DIAPH2: variants seen among roughly 807,000 people sequenced by gnomAD.
The protein encoded by DIAPH2 is protein diaphanous homolog 2.
A neutral mutation model predicts 92.7 loss-of-function variants in DIAPH2; 35 were observed. The ratio of observed to expected loss-of-function variants is 0.38; its 90% CI spans 0.29 to 0.50. The LOEUF is 0.50. Among genes scored for constraint, DIAPH2 ranks in the 20% least tolerant of loss-of-function variants. The pLI, the probability that DIAPH2 is intolerant of heterozygous loss-of-function variation, is 0.94. For synonymous variants in DIAPH2, 301 were observed against 280.4 expected (o/e 1.07, Z -0.73); for missense variants, 701 against 819.5 (o/e 0.86, Z 1.77).
At chrX:97,482,660 G>A (rs73632888) in intron 26 of DIAPH2, among the ~76,000 whole-genome samples, 298 of 84,642 alleles carry the variant, frequency 3.5e-3, no homozygotes, top group Middle Eastern at 0.013. Flanking sequence ...GGACCAAAAA[G>A]AAAAAAAAAA....
At chrX:96,979,548 T>C (rs2065981356) in intron 17 of DIAPH2, among the ~76,000 whole-genome samples, 2 of 112,491 alleles carry the variant, frequency 1.8e-5, no homozygotes, top group Non-Finnish European at 3.7e-5. Flanking sequence ...TGTATTTAGA[T>C]GACACTTCCA....
chrX:96,811,834 C>T (rs1360282332), intron 4 of DIAPH2, among the ~76,000 whole-genome samples: 4 of 111,515 alleles, frequency 3.6e-5, no homozygotes, highest in Admixed American at 9.6e-5. Context: ...TATTGATTTT[C>T]GTATGTTGAA....
At chrX:96,778,818 T>G (rs1358488442) in intron 4 of DIAPH2, among the ~76,000 whole-genome samples, 1 of 111,867 alleles carries the variant, frequency 8.9e-6, no homozygotes, top group African/African-American at 3.2e-5. Context: ...ATGATTAGAT[T>G]CAGGGTAAAC....
At chrX:96,779,462 A>G (rs2064400567) in intron 4 of DIAPH2, among the ~76,000 whole-genome samples, 1 of 112,342 alleles carries the variant, frequency 8.9e-6, no homozygotes. Context: ...GTGGAATTTG[A>G]AGTAATGAAA....
rs2066679967 is a variant in DIAPH2 at position 97,073,035 on chromosome X, G to A, written c.2145G>A (p.Gln715=). The A allele has an allele frequency of 1.7e-6, 2 of 1,178,435 alleles. No homozygotes were observed. Among genetic ancestry groups the A allele is most frequent in the Non-Finnish European group, 2.3e-6 (2 of 869,944 alleles). The change falls in exon 18 of 27, where the codon CAG becomes CAA. Residue 715 remains glutamine (Q), a synonymous_variant. Transcript: ENST00000324765. ...GAATTTTGGATCCCAAAACAGCTCA[G>A]AATCTGTGTATGTAATATTTTCTTC... The part of the protein sequence containing the change: ...ELRILDPKTA[Q]NLSIFLGSYR...
intron 1 of DIAPH2, among the ~76,000 whole-genome samples, chrX:96,687,444 CTTT>C (rs761658197): frequency 9.9e-6 from 1 of 101,307 alleles, no homozygotes. Flanking sequence ...ATTTTCTTTT[CTTT>C]TTTTTTTTTT....
At chrX:97,404,788 CAA>C (rs747526562) in intron 25 of DIAPH2, among the ~76,000 whole-genome samples, 257 of 112,073 alleles carry the variant, frequency 2.3e-3, no homozygotes, top group South Asian at 8.1e-3. Context: ...ACTAAAATGA[CAA>C]AGAGCATGAA....
intron 23 of DIAPH2, among the ~76,000 whole-genome samples, chrX:97,254,754 C>T (rs1407130160): frequency 1.8e-5 from 2 of 108,625 alleles, no homozygotes; most frequent in Admixed American, 1.0e-4. Context: ...GACAGAGTCT[C>T]GCTCTGTTGG....
chrX:97,347,357 G>C (rs890273863), intron 23 of DIAPH2, among the ~76,000 whole-genome samples: 2 of 109,387 alleles, frequency 1.8e-5, no homozygotes, highest in Non-Finnish European at 3.8e-5. Context: ...CCAAAGTGCT[G>C]GGATTACAGG....
At chrX:96,740,080 G>A (rs2064110253) in intron 3 of DIAPH2, among the ~76,000 whole-genome samples, 1 of 112,121 alleles carries the variant, frequency 8.9e-6, no homozygotes, top group African/African-American at 3.2e-5. Flanking sequence ...CTTGGACTGT[G>A]TCATCCTTTA....
intron 17 of DIAPH2, among the ~76,000 whole-genome samples, chrX:97,037,285 G>C (rs767794427): frequency 1.8e-4 from 20 of 111,061 alleles, no homozygotes; most frequent in African/African-American, 6.5e-4. Flanking sequence ...TAGGCTTTCT[G>C]CTGGTTAGAT....
At chrX:97,403,973 C>T (rs2069783822) in intron 25 of DIAPH2, among the ~76,000 whole-genome samples, 1 of 109,799 alleles carries the variant, frequency 9.1e-6, no homozygotes, top group South Asian at 4.0e-4. Context: ...CCTGTCTTAG[C>T]CTCCCGTGTA....
chrX:97,124,036 T>C lies in DIAPH2; in HGVS notation c.2589+9071T>C, dbSNP rs2315832. On this transcript the variant is annotated intron_variant, in intron 21 of 26. Coordinates refer to ENST00000324765, the MANE Select transcript of DIAPH2 (RefSeq NM_006729.5). The stretch of plus-strand genomic sequence containing the variant: ...CAATTTTTCCAAATGGTCATACATC[T>C]TCTAGATTTATATTAATGTGGAGAT... Among the ~76,000 whole-genome samples the C allele has an allele frequency of 4.3e-3, 482 of 112,314 alleles. 3 individuals carry two copies. The highest frequency in any genetic ancestry group is 0.015 in the African/African-American group (456 of 30,952).
intron 26 of DIAPH2, among the ~76,000 whole-genome samples, chrX:97,584,097 C>T (rs181909935): frequency 3.6e-5 from 4 of 112,392 alleles, no homozygotes; most frequent in East Asian, 2.8e-4. Context: ...GAGATGAACC[C>T]GGTACCTCAG....
intron 1 of DIAPH2, among the ~76,000 whole-genome samples, chrX:96,714,590 T>A (rs2063939084): frequency 8.9e-6 from 1 of 111,966 alleles, no homozygotes; most frequent in Non-Finnish European, 1.9e-5. Context: ...ATGTCTAGCT[T>A]CCTCATTAGT....
intron 9 of DIAPH2, among the ~76,000 whole-genome samples, chrX:96,920,428 C>T (rs1235982740): frequency 1.8e-5 from 2 of 111,608 alleles, no homozygotes; most frequent in African/African-American, 6.5e-5. Context: ...TCAAAGTTTT[C>T]ATTACATTGA....
chrX:97,546,232 C>G (rs1280797860), intron 26 of DIAPH2, among the ~76,000 whole-genome samples: 1 of 111,768 alleles, frequency 8.9e-6, no homozygotes, highest in African/African-American at 3.3e-5. Context: ...AACTCAGTCT[C>G]TAAAAGCAAA....
At chrX:96,815,830 A>AT (rs1420151499) in intron 4 of DIAPH2, among the ~76,000 whole-genome samples, 9 of 109,035 alleles carry the variant, frequency 8.3e-5, no homozygotes, top group African/African-American at 1.0e-4. Flanking sequence ...ACATCCGGCT[A>AT]TTTTTTTTTG....
chrX:97,323,891 G>A (rs1226940602), intron 23 of DIAPH2, among the ~76,000 whole-genome samples: 1 of 81,104 alleles, frequency 1.2e-5, no homozygotes, highest in African/African-American at 4.8e-5. Flanking sequence ...CAACAGGAGC[G>A]AAACTCTGTC....
Sources: gnomAD v4.1 joint callset for allele counts (sites outside exome capture counted in the v4.1 genomes callset) on GRCh38, gnomAD v4.1.1 for gene constraint, MANE v1.5 for transcripts, NCBI Gene and HGNC (gene_info 2026-07-23, HGNC 2026-07-21) for gene names.